TTC6: variants seen among roughly 807,000 people sequenced by gnomAD.
TTC6 encodes tetratricopeptide repeat domain 6.
In TTC6, 172 loss-of-function variants were observed where a neutral mutation model predicts 210.4. The observed-to-expected ratio is 0.82, with a 90% CI of 0.72 to 0.93. TTC6 has a LOEUF of 0.93. TTC6 is among the 40% of genes least tolerant of loss of function. TTC6 has a pLI of 0.00. For missense variants in TTC6, 2,414 were observed against 2,318.1 expected (o/e 1.04, Z -0.85); for synonymous variants, 804 against 819.6 (o/e 0.98, Z 0.32).
chr14:37,752,173 G>T (rs79989071), intron 13 of TTC6, among the ~76,000 whole-genome samples: 1 of 151,872 alleles, frequency 6.6e-6, no homozygotes, highest in Non-Finnish European at 1.5e-5. Context: ...ATATTCCCCT[G>T]ATTGCAGTAC....
At chr14:37,617,477 T>G (rs2095644628), upstream of TTC6, among the ~76,000 whole-genome samples, 1 of 152,190 alleles carries the variant, frequency 6.6e-6, no homozygotes. Context: ...CTATATCCTT[T>G]TAAATGAGCA....
chr14:37,730,146 A>G (rs1300046743), intron 7 of TTC6, among the ~76,000 whole-genome samples: 1 of 152,204 alleles, frequency 6.6e-6, no homozygotes, highest in Non-Finnish European at 1.5e-5. Flanking sequence ...GTTGTGGTGA[A>G]TGGGAAATGA....
At chr14:37,812,010 A>C (rs1951645) in intron 24 of TTC6, among the ~76,000 whole-genome samples, 118,613 of 152,054 alleles carry the variant, frequency 0.78, 46,883 homozygotes, top group Non-Finnish European at 0.84. Context: ...ACTACCCAGT[A>C]GAGGCAGAAT....
intron 1 of TTC6, among the ~76,000 whole-genome samples, chr14:37,651,434 TTTTTTTTTTTTTTTTTTTTC>T (rs1566864735): frequency 1.1e-4 from 4 of 36,966 alleles, no homozygotes; most frequent in African/African-American, 1.5e-4. Context: ...TATTTTTTTT[TTTTTTTTTTTTTTTTTTTTC>T]CATCCATGAT....
chr14:37,819,434 ATC>A (rs957495364), intron 26 of TTC6, among the ~76,000 whole-genome samples: 5 of 152,048 alleles, frequency 3.3e-5, no homozygotes, highest in Non-Finnish European at 7.4e-5. Context: ...TTGATCTTTG[ATC>A]TCGTGGGGTT....
At chr14:37,605,895 GT>G (rs200989659) in intron 1 of TTC6, among the ~76,000 whole-genome samples, 7,058 of 145,178 alleles carry the variant, frequency 0.049, 340 homozygotes, top group East Asian at 0.28. Context: ...TTATTCACAG[GT>G]TTTTTTTTTT....
intron 1 of TTC6, among the ~76,000 whole-genome samples, chr14:37,600,066 G>T (rs1457670746): frequency 6.6e-6 from 1 of 152,184 alleles, no homozygotes; most frequent in Non-Finnish European, 1.5e-5. Flanking sequence ...AACCCCTAGG[G>T]CTAGGGGCCT....
intron 1 of TTC6, among the ~76,000 whole-genome samples, chr14:37,629,676 T>G (rs1392666161): frequency 6.6e-6 from 1 of 152,230 alleles, no homozygotes; most frequent in Non-Finnish European, 1.5e-5. Context: ...GGCATCCTTG[T>G]GTTTTGCTGG....
At chr14:37,792,453 C>T (rs1447345277) in intron 17 of TTC6, 39 bp downstream of exon 19, 11 of 1,412,146 alleles carry the variant, frequency 7.8e-6, no homozygotes, top group Admixed American at 3.2e-5. Context: ...TTTAAAAAAA[C>T]TTTAATTTTC....
intron 1 of TTC6, among the ~76,000 whole-genome samples, chr14:37,602,125 G>T (rs1383235384): frequency 6.6e-6 from 1 of 152,228 alleles, no homozygotes; most frequent in African/African-American, 2.4e-5. Flanking sequence ...GGCGCCTGGG[G>T]CTCTGCGCGC....
intron 26 of TTC6, among the ~76,000 whole-genome samples, chr14:37,822,096 AC>A (rs1449092577): frequency 6.6e-6 from 1 of 151,860 alleles, no homozygotes; most frequent in Non-Finnish European, 1.5e-5. Context: ...GTCTTTAAAA[AC>A]TTTGTTTGTA....
chr14:37,641,960 C>G (rs1329681440), intron 1 of TTC6, among the ~76,000 whole-genome samples: 1 of 152,202 alleles, frequency 6.6e-6, no homozygotes, highest in Non-Finnish European at 1.5e-5. Flanking sequence ...GACAGCCAGT[C>G]CAGAACTGTT....
chr14:37,640,632 T>C (rs1173282351), intron 1 of TTC6, among the ~76,000 whole-genome samples: 1 of 152,138 alleles, frequency 6.6e-6, no homozygotes, highest in Admixed American at 6.6e-5. Context: ...AACCTCAGCC[T>C]CCTGGGTTCA....
At chr14:37,741,930 TCAGTGTTGA>T (rs1383480188) in intron 10 of TTC6, among the ~76,000 whole-genome samples, 1 of 152,198 alleles carries the variant, frequency 6.6e-6, no homozygotes, top group Non-Finnish European at 1.5e-5. Context: ...GTCTCTGAGC[TCAGTGTTGA>T]CAGAGCAGCC....
chr14:37,713,600 G>A (rs1297573161), intron 5 of TTC6, among the ~76,000 whole-genome samples: 2 of 152,156 alleles, frequency 1.3e-5, no homozygotes, highest in Non-Finnish European at 1.5e-5. Context: ...AGGATGGAAT[G>A]GGTGTTAAGT....
intron 1 of TTC6, among the ~76,000 whole-genome samples, chr14:37,623,700 T>C (rs1025762378): frequency 6.6e-6 from 1 of 152,178 alleles, no homozygotes; most frequent in African/African-American, 2.4e-5. Flanking sequence ...CTGGAGCTAA[T>C]GCATGGCAGA....
At chr14:37,785,095 G>A (rs749356781) in intron 14 of TTC6, among the ~76,000 whole-genome samples, 1 of 152,080 alleles carries the variant, frequency 6.6e-6, no homozygotes, top group Non-Finnish European at 1.5e-5. Flanking sequence ...TGACAATTAT[G>A]TGTCTTGGAG....
intron 7 of TTC6, among the ~76,000 whole-genome samples, chr14:37,727,538 C>T (rs915918905): frequency 4.7e-5 from 1 of 21,122 alleles, no homozygotes; most frequent in African/African-American, 1.2e-4. Flanking sequence ...TGTGATCCGC[C>T]CGCCTTGGCC....
chr14:37,650,136 C>G (rs2139416421), intron 1 of TTC6, among the ~76,000 whole-genome samples: 1 of 152,320 alleles, frequency 6.6e-6, no homozygotes, highest in East Asian at 1.9e-4. Context: ...TTCCTTCTTG[C>G]ATTTCCATTA....
Sources: allele counts gnomAD v4.1 joint callset (sites outside exome capture counted in the v4.1 genomes callset), GRCh38; gene constraint gnomAD v4.1.1; transcripts MANE v1.5; gene names NCBI Gene and HGNC (gene_info 2026-07-23, HGNC 2026-07-21).